SHISA5: variants seen among roughly 807,000 people sequenced by gnomAD.
SHISA5 encodes shisa family member 5.
A neutral mutation model predicts 27.5 loss-of-function variants in SHISA5; 21 were observed. That is an observed-to-expected ratio of 0.76 (90% CI 0.54 to 1.10). The LOEUF is 1.10. Among genes scored for constraint, SHISA5 ranks in the 50% least tolerant of loss-of-function variants. The probability of loss-of-function intolerance (pLI) is 0.00; values close to 1 mark genes in which losing one functional copy is unlikely to be tolerated. For synonymous variants in SHISA5, 137 were observed against 142.2 expected (o/e 0.96, Z 0.26); for missense variants, 314 against 336.3 (o/e 0.93, Z 0.52).
At chr3:48,503,792 G>T (rs1317788281) in intron 1 of SHISA5, 2 of 1,254,078 alleles carry the variant, frequency 1.6e-6, no homozygotes, top group Non-Finnish European at 2.0e-6. Flanking sequence ...TTCCAGGACA[G>T]ACAAAGGTGG....
In SHISA5 at chr3:48,469,790, G is replaced by A. The variant is rs1241371441; in HGVS notation, c.368C>T (p.Thr123Ile). The A allele has an allele frequency of 1.2e-6, 2 of 1,614,130 alleles. No homozygotes were observed. Among genetic ancestry groups the A allele is most frequent in the African/African-American group, 1.3e-5 (1 of 75,040 alleles). Residue 123 changes from threonine to isoleucine, a missense_variant, in exon 4 of 6, where the codon ACT (threonine) becomes ATT (isoleucine). Coordinates refer to ENST00000296444, the MANE Select transcript of SHISA5 (RefSeq NM_016479.6). This position sits in a 1 kb window ranked among gnomAD's most constrained non-coding sequence, Gnocchi z 4.6. ...GGAGCAGGTGAAGCAGATGATGATA[G>A]TGACGACAGACAGCACAAAGATGGT... ...GLTIFVLSVV[T>I]IIICFTCSCC...
rs2041092468 is a variant in SHISA5 at position 48,483,543 on chromosome 3, C to G, written c.234-4286G>C. ...TTCTCAATCTTTTCCCCACCTTTCCCCCTTTTCTATCCCACAAAACCGCCA... is the reference window on the plus strand; with the variant it reads ...TTCTCAATCTTTTCCCCACCTTTCCGCCTTTTCTATCCCACAAAACCGCCA... On this transcript the variant is annotated intron_variant, in intron 2 of 5. Transcript: ENST00000296444. Among the ~76,000 whole-genome samples, 8 of 152,320 alleles carry G rather than the reference C, an allele frequency of 5.3e-5. No homozygotes were observed. In the South Asian group the frequency reaches 1.7e-3, roughly 32 times the overall value.
At chr3:48,496,834 A>G (rs2107375467) in intron 2 of SHISA5, among the ~76,000 whole-genome samples, 1 of 152,176 alleles carries the variant, frequency 6.6e-6, no homozygotes, top group African/African-American at 2.4e-5. Flanking sequence ...AATAGAAAAA[A>G]TATTATATAA....
At chr3:48,484,786 A>C (rs903116154) in intron 2 of SHISA5, among the ~76,000 whole-genome samples, 2 of 152,130 alleles carry the variant, frequency 1.3e-5, no homozygotes, top group Non-Finnish European at 2.9e-5. Flanking sequence ...CCAGCTACTC[A>C]GGAGGCTGAG....
rs1014897376 is a variant in SHISA5, at chr3:48,470,351, A to G, written c.315-508T>C. Among the ~76,000 whole-genome samples the G allele has an allele frequency of 1.1e-4, 17 of 152,348 alleles. No individual in the cohort carries two copies. The highest frequency in any genetic ancestry group is 4.1e-4 in the African/African-American group (17 of 41,592). The stretch of plus-strand genomic sequence containing the variant: ...CAGGAGGGCAGAGGCCAGTGTGGCC[A>G]GAACAGGAGGCCCCCATTGTTCCCC... On this transcript the variant is annotated intron_variant, in intron 3 of 5. Coordinates refer to ENST00000296444, the MANE Select transcript of SHISA5 (RefSeq NM_016479.6). The surrounding 1 kb of genome is among the most constrained non-coding windows in gnomAD (Gnocchi z 4.3).
In SHISA5 at chr3:48,470,716, G is replaced by A. The variant is rs1313734049; in HGVS notation, c.315-873C>T. ...CCGAGGAGGGCGGATCACCTGAGGT[G>A]AGGTGTTCGAGACCAGCCTGGCCAA... On this transcript the variant is annotated intron_variant, in intron 3 of 5. Transcript: ENST00000296444. The surrounding 1 kb of genome is among the most constrained non-coding windows in gnomAD (Gnocchi z 4.3). 1.3e-5 allele frequency among the ~76,000 whole-genome samples: 2 copies of A among 152,136 alleles called. No individual in the cohort carries two copies. Among genetic ancestry groups the A allele is most frequent in the Admixed American group, 1.3e-4 (2 of 15,266 alleles).
chr3:48,498,643 C>T (rs13100178), intron 2 of SHISA5, among the ~76,000 whole-genome samples: 13,089 of 144,210 alleles, frequency 0.091, 1,116 homozygotes, highest in African/African-American at 0.23. Flanking sequence ...GATGAGATCA[C>T]GCGCCACTGC....
At chr3:48,497,621 G>T (rs1172119349) in intron 2 of SHISA5, among the ~76,000 whole-genome samples, 2 of 151,912 alleles carry the variant, frequency 1.3e-5, no homozygotes, top group African/African-American at 4.8e-5. Context: ...TTTCAGCTAG[G>T]TGCACCTGTA....
At chr3:48,484,893 C>T (rs1327279718) in intron 2 of SHISA5, among the ~76,000 whole-genome samples, 1 of 151,868 alleles carries the variant, frequency 6.6e-6, no homozygotes, top group African/African-American at 2.4e-5. Context: ...AACTCCATCT[C>T]AAAAAAAGAA....
chr3:48,488,048 T>C (rs1371100649), intron 2 of SHISA5, among the ~76,000 whole-genome samples: 1 of 151,906 alleles, frequency 6.6e-6, no homozygotes. Flanking sequence ...AGGAGAAAAA[T>C]TTGCCTTAAA....
At chr3:48,497,093 G>A (rs981152144) in intron 2 of SHISA5, among the ~76,000 whole-genome samples, 2 of 151,112 alleles carry the variant, frequency 1.3e-5, no homozygotes, top group South Asian at 4.2e-4. Flanking sequence ...TTAGCTGGGT[G>A]TGGTGGCAGG....
intron 2 of SHISA5, among the ~76,000 whole-genome samples, chr3:48,498,928 C>G (rs1403495847): frequency 6.6e-6 from 1 of 150,704 alleles, no homozygotes; most frequent in East Asian, 2.0e-4. Flanking sequence ...CTAAAAAATA[C>G]AAAATTAGCC....
rs968166096 is a variant in SHISA5 at position 48,468,316 on chromosome 3, T to G, written c.*791A>C. 1.9e-6 allele frequency: 2 copies of G among 1,035,552 alleles called. No individual in the cohort carries two copies. Among genetic ancestry groups the G allele is most frequent in the African/African-American group, 3.4e-5 (2 of 58,446 alleles). The allele number at this position is 1,035,552 out of a possible 1,614,324, so 64.1% of individuals were successfully genotyped here. A position where few individuals can be genotyped will look rare whatever the true frequency, so the allele number is the denominator to read the frequency against. ...TGAGTGTGCTGGTGGACAGGAGCCCTGCTCACCTGTGGGAAGGGCAGGGCC... is the reference window on the plus strand; with the variant it reads ...TGAGTGTGCTGGTGGACAGGAGCCCGGCTCACCTGTGGGAAGGGCAGGGCC... On this transcript the variant is annotated 3_prime_UTR_variant, in exon 6 of 6. Transcript: ENST00000296444.
At chr3:48,476,364 A>G (rs2040826610) in intron 3 of SHISA5, among the ~76,000 whole-genome samples, 1 of 148,586 alleles carries the variant, frequency 6.7e-6, no homozygotes, top group South Asian at 2.1e-4. Flanking sequence ...AAAAAAAAGT[A>G]GCCCAGAGGG....
Position 48,469,332 on chromosome 3 carries a change from G to A in SHISA5, c.643+29C>T, listed in dbSNP as rs776435870. ...TGCTGGCAGAGACTCGGGAAGTCGG[G>A]CAGGGCTAGAGTTGGCAGGGGCACT... On this transcript the variant is annotated intron_variant, in intron 5 of 5. Transcript: ENST00000296444. The surrounding 1 kb of genome is among the most constrained non-coding windows in gnomAD (Gnocchi z 4.6). 78 of 1,570,570 alleles carry A rather than the reference G, an allele frequency of 5.0e-5. No homozygotes were observed. Among genetic ancestry groups the A allele is most frequent in the Non-Finnish European group, 6.3e-5 (73 of 1,156,634 alleles).
intron 2 of SHISA5, among the ~76,000 whole-genome samples, chr3:48,481,317 G>A (rs976035802): frequency 3.3e-5 from 5 of 151,870 alleles, no homozygotes; most frequent in Non-Finnish European, 7.4e-5. Context: ...GCAGGCGCCT[G>A]TAATCCCAGC....
chr3:48,498,819 C>T (rs763983622), intron 2 of SHISA5, among the ~76,000 whole-genome samples: 7 of 150,996 alleles, frequency 4.6e-5, no homozygotes, highest in East Asian at 2.0e-4. Context: ...CGGTGGCTCA[C>T]GCCTGTAATC....
rs144409767 is a variant in SHISA5 at position 48,488,213 on chromosome 3, G to C, written c.234-8956C>G. On this transcript the variant is annotated intron_variant, in intron 2 of 5. Coordinates refer to ENST00000296444, the MANE Select transcript of SHISA5 (RefSeq NM_016479.6). The stretch of plus-strand genomic sequence containing the variant: ...TGAAATATATGGGATACTTAGTGTT[G>C]AAGGAGCAGCTTGGATCCTCTTGAC... Among the ~76,000 whole-genome samples, 1,134 of 145,306 alleles carry C rather than the reference G, an allele frequency of 7.8e-3. 10 individuals carry two copies. The highest frequency in any genetic ancestry group is 0.026 in the Middle Eastern group (7 of 274).
chr3:48,500,493 G>T (rs955740538), intron 2 of SHISA5, among the ~76,000 whole-genome samples: 10 of 152,214 alleles, frequency 6.6e-5, no homozygotes, highest in Non-Finnish European at 2.9e-5. Flanking sequence ...GGTTGGTCTT[G>T]CCCAGACCCA....
Sources: allele counts gnomAD v4.1 joint callset (sites outside exome capture counted in the v4.1 genomes callset), GRCh38; gene constraint gnomAD v4.1.1; non-coding constraint Gnocchi (gnomAD v3.1); transcripts MANE v1.5; gene names NCBI Gene and HGNC (gene_info 2026-07-23, HGNC 2026-07-21).